Variants in APBB1IP observed in about 807,000 individuals in gnomAD.
APBB1IP encodes the protein amyloid beta A4 precursor protein-binding family B member 1-interacting protein.
A neutral mutation model predicts 64.9 loss-of-function variants in APBB1IP; 27 were observed. The ratio of observed to expected loss-of-function variants is 0.42; its 90% confidence interval spans 0.31 to 0.57. The LOEUF is 0.57. APBB1IP is among the 20% of genes least tolerant of loss of function. The probability of loss-of-function intolerance (pLI) is 0.20; values close to 1 mark genes in which losing one functional copy is unlikely to be tolerated. For missense variants in APBB1IP, 812 were observed against 845.5 expected (o/e 0.96, Z 0.49); for synonymous variants, 392 against 331.0 (o/e 1.18, Z -2.00).
intron 11 of APBB1IP, among the ~76,000 whole-genome samples, chr10:26,558,726 G>C (rs571258489): frequency 3.9e-5 from 6 of 152,028 alleles, no homozygotes; most frequent in Admixed American, 3.3e-4. Context: ...GCAGTGAGCC[G>C]TGATGGCACA....
At chr10:26,505,305 G>A (rs1046691625) in intron 6 of APBB1IP, among the ~76,000 whole-genome samples, 3 of 152,060 alleles carry the variant, frequency 2.0e-5, no homozygotes, top group Admixed American at 1.3e-4. Context: ...AGATTAGTCT[G>A]GTTCCACTCA....
chr10:26,546,447 A>G (rs557007072), intron 11 of APBB1IP, among the ~76,000 whole-genome samples: 3 of 152,332 alleles, frequency 2.0e-5, no homozygotes, highest in African/African-American at 7.2e-5. Flanking sequence ...TAATTAACCC[A>G]TAGTAATTGT....
chr10:26,509,386 C>T (rs576977131), intron 6 of APBB1IP, among the ~76,000 whole-genome samples: 34 of 152,254 alleles, frequency 2.2e-4, no homozygotes, highest in African/African-American at 7.9e-4. Flanking sequence ...CCCATGTCTA[C>T]ATTTTGATCT....
intron 11 of APBB1IP, among the ~76,000 whole-genome samples, chr10:26,545,014 C>G (rs1836742254): frequency 6.6e-6 from 1 of 152,160 alleles, no homozygotes; most frequent in African/African-American, 2.4e-5. Context: ...TTCCTTTTCT[C>G]TCAGGATGAT....
intron 9 of APBB1IP, among the ~76,000 whole-genome samples, chr10:26,534,510 C>T (rs79219775): frequency 6.6e-6 from 1 of 152,060 alleles, no homozygotes; most frequent in Non-Finnish European, 1.5e-5. Flanking sequence ...GTGATGCCCT[C>T]GGCATCCGGT....
intron 2 of APBB1IP, among the ~76,000 whole-genome samples, chr10:26,485,005 G>A (rs777986499): frequency 3.3e-5 from 5 of 152,178 alleles, no homozygotes; most frequent in Non-Finnish European, 7.3e-5. Flanking sequence ...CACTCAAGTT[G>A]CCTCAAGTTG....
At chr10:26,468,309 A>T (rs767196598) in intron 2 of APBB1IP, among the ~76,000 whole-genome samples, 2 of 152,202 alleles carry the variant, frequency 1.3e-5, no homozygotes, top group Non-Finnish European at 2.9e-5. Flanking sequence ...GTGCTAAGTT[A>T]TTTTTATGTC....
In APBB1IP at chr10:26,560,851, A is replaced by C. The variant is rs1188206645; in HGVS notation, c.1369+7A>C. 7.6e-6 allele frequency: 12 copies of C among 1,573,482 alleles called. No homozygotes were observed. Among genetic ancestry groups the C allele is most frequent in the Non-Finnish European group, 9.5e-6 (11 of 1,160,986 alleles). On this transcript the variant is annotated splice_region_variant and intron_variant, in intron 13 of 14. Coordinates refer to ENST00000376236, the MANE Select transcript of APBB1IP (RefSeq NM_019043.4). ...CCAGCTCAGCCATCTACAGGTACTA[A>C]GTGGAGGAGAAATTCCAACACATAT...
chr10:26,488,009 A>G (rs1054645303), intron 2 of APBB1IP, among the ~76,000 whole-genome samples: 2 of 152,210 alleles, frequency 1.3e-5, no homozygotes, highest in Non-Finnish European at 2.9e-5. Context: ...ACTCTTAATA[A>G]TAATTCATCT....
chr10:26,443,321 G>A (rs907115958), intron 2 of APBB1IP, among the ~76,000 whole-genome samples: 32 of 152,070 alleles, frequency 2.1e-4, no homozygotes, highest in African/African-American at 7.5e-4. Context: ...CCACTCGGGA[G>A]GCTGAGGCAG....
At chr10:26,449,632 T>C (rs1014034370) in intron 2 of APBB1IP, among the ~76,000 whole-genome samples, 1 of 152,206 alleles carries the variant, frequency 6.6e-6, no homozygotes, top group Non-Finnish European at 1.5e-5. Flanking sequence ...TGACTAAAAG[T>C]GTTCCAGGTA....
Position 26,536,151 on chromosome 10 carries a change from C to T in APBB1IP, c.978C>T (p.Ser326=), listed in dbSNP as rs746126706. The T allele has an allele frequency of 1.1e-5, 18 of 1,608,234 alleles. No homozygotes were observed. The Admixed American group carries it at 3.0e-4, about 27-fold the overall frequency. Reference sequence around the variant, plus strand: ...ATTTGAAAGAAGATGGAAAGAAATCCTGGAAAAGGCGCTATTTTCTTTTAC... The same window carrying T: ...ATTTGAAAGAAGATGGAAAGAAATCTTGGAAAAGGCGCTATTTTCTTTTAC... ...ALYLKEDGKK[S]WKRRYFLLRA... is the part of the protein sequence containing the mutation. Residue 326 remains serine (S), a synonymous_variant, in exon 10 of 15, where the codon TCC becomes TCT. Transcript: ENST00000376236.
At chr10:26,511,589 A>C (rs56095557) in intron 6 of APBB1IP, among the ~76,000 whole-genome samples, 158 bp from the exon 7 acceptor site, 1,702 of 152,296 alleles carry the variant, frequency 0.011, 34 homozygotes, top group African/African-American at 0.038. Flanking sequence ...CTAGCACCTA[A>C]AACAAGTGCT....
At chr10:26,481,476 T>C (rs929701134) in intron 2 of APBB1IP, among the ~76,000 whole-genome samples, 1 of 152,114 alleles carries the variant, frequency 6.6e-6, no homozygotes, top group Non-Finnish European at 1.5e-5. Flanking sequence ...TTTGTTTTGT[T>C]ATTTTTGTTT....
In APBB1IP at chr10:26,567,747, T is replaced by C; in HGVS notation, c.*259T>C. 1 of 662,256 alleles carries C rather than the reference T, an allele frequency of 1.5e-6. No homozygotes were observed. Among genetic ancestry groups the C allele is most frequent in the Non-Finnish European group, 2.1e-6 (1 of 479,020 alleles). 41.0% of individuals were successfully genotyped at this position (662,256 alleles called of 1,614,324 possible). A position where few individuals can be genotyped will look rare whatever the true frequency, so the allele number is the denominator to read the frequency against. On this transcript the variant is annotated 3_prime_UTR_variant, in exon 15 of 15. Transcript: ENST00000376236. ...AAGCTGCCTAAAGCGCTGTTTTAGG[T>C]TCATTTATTTTATTATGTTCAGAAG... is the stretch of plus-strand genomic sequence containing the variant.
intron 8 of APBB1IP, among the ~76,000 whole-genome samples, chr10:26,519,521 C>G (rs1836376975): frequency 6.6e-6 from 1 of 152,146 alleles, no homozygotes; most frequent in Non-Finnish European, 1.5e-5. Context: ...CATGAGACAG[C>G]ACTAAAGACA....
intron 4 of APBB1IP, among the ~76,000 whole-genome samples, chr10:26,499,302 C>T (rs7914319): frequency 0.077 from 11,537 of 150,336 alleles, 1,476 homozygotes; most frequent in African/African-American, 0.27. Flanking sequence ...GGTGACAAAG[C>T]GAAACTCTGT....
chr10:26,516,543 C>CAAAAAAAA lies in APBB1IP; in HGVS notation c.813+2894_813+2901dup, dbSNP rs71401901. On this transcript the variant is annotated intron_variant, in intron 8 of 14. Transcript: ENST00000376236. ...TGGGTGACAGAGCAAGACTCCATCT[C>CAAAAAAAA]AAAAAAAAAAAAAAAAAAGTAAAGC... is the stretch of plus-strand genomic sequence containing the variant. 1.9e-4 allele frequency among the ~76,000 whole-genome samples: 9 copies of CAAAAAAAA among 47,206 alleles called. 1 individual carries two copies. Among genetic ancestry groups the CAAAAAAAA allele is most frequent in the African/African-American group, 6.1e-4 (5 of 8,146 alleles). The allele number at this position is 47,206 out of a possible 152,430, so 31.0% of individuals were successfully genotyped here.
At chr10:26,513,695 G>A in intron 8 of APBB1IP, 35 bp downstream of exon 8, 1 of 1,542,966 alleles carries the variant, frequency 6.5e-7, no homozygotes, top group Non-Finnish European at 8.7e-7. Context: ...ACCCTATAAA[G>A]TACAAAGGAT....
Sources: allele counts gnomAD v4.1 joint callset (sites outside exome capture counted in the v4.1 genomes callset), GRCh38; gene constraint gnomAD v4.1.1; transcripts MANE v1.5; gene names NCBI Gene and HGNC (gene_info 2026-07-23, HGNC 2026-07-21).